Variants in CCNY observed in about 807,000 individuals in gnomAD.
CCNY encodes the protein cyclin-Y.
Under a neutral mutation model 42.8 loss-of-function variants are expected in CCNY, and 19 were observed. The observed-to-expected ratio is 0.44, with a 90% confidence interval of 0.31 to 0.65. CCNY has a LOEUF of 0.65. Ranked by LOEUF, CCNY falls within the 30% of genes least tolerant of loss-of-function variation. The probability of loss-of-function intolerance (pLI) is 0.07; values close to 1 mark genes in which losing one functional copy is unlikely to be tolerated. For synonymous variants in CCNY, 165 were observed against 162.7 expected (o/e 1.01, Z -0.11); for missense variants, 370 against 437.3 (o/e 0.85, Z 1.37).
Position 35,384,282 on chromosome 10 carries a change from A to G in CCNY, c.154+47075A>G, listed in dbSNP as rs553133862. On this transcript the variant is annotated intron_variant, in intron 1 of 9. Coordinates refer to ENST00000374704, the MANE Select transcript of CCNY (RefSeq NM_145012.6). ...CTCCAAAGATGATTTTGAGGGCATT[A>G]GTATTCAAAGGGGAAAAGCAGGCTG... Among the ~76,000 whole-genome samples, 8 of 152,350 alleles carry G rather than the reference A, an allele frequency of 5.3e-5. No homozygotes were observed. In the South Asian group the frequency reaches 1.5e-3, roughly 28 times the overall value.
intron 3 of CCNY, among the ~76,000 whole-genome samples, chr10:35,272,014 G>C (rs1465856074): frequency 6.6e-6 from 1 of 152,060 alleles, no homozygotes; most frequent in Non-Finnish European, 1.5e-5. Context: ...TGTTTTTTTA[G>C]ACAGAGTCTC....
intron 1 of CCNY, among the ~76,000 whole-genome samples, chr10:35,412,237 G>C (rs1268640112): frequency 6.6e-6 from 1 of 152,184 alleles, no homozygotes; most frequent in Non-Finnish European, 1.5e-5. Flanking sequence ...GAGGGAGTGG[G>C]CAGTTGGAAA....
At chr10:35,535,897 A>T (rs1840877091) in intron 7 of CCNY, among the ~76,000 whole-genome samples, 1 of 152,196 alleles carries the variant, frequency 6.6e-6, no homozygotes, top group Non-Finnish European at 1.5e-5. Context: ...AACCTTCCAC[A>T]GATGCTGAGG....
At chr10:35,494,730 A>C (rs1051795389) in intron 2 of CCNY, among the ~76,000 whole-genome samples, 1 of 152,254 alleles carries the variant, frequency 6.6e-6, no homozygotes, top group African/African-American at 2.4e-5. Context: ...CCAATAGAAA[A>C]ATGGGCATAT....
At chr10:35,357,178 C>T (rs1344639589) in intron 1 of CCNY, among the ~76,000 whole-genome samples, 3 of 151,110 alleles carry the variant, frequency 2.0e-5, no homozygotes, top group Admixed American at 6.6e-5. Context: ...CTGCTCCTGC[C>T]CCTGCCCCTG....
chr10:35,546,484 C>T (rs1841118561), intron 7 of CCNY, among the ~76,000 whole-genome samples: 1 of 152,094 alleles, frequency 6.6e-6, no homozygotes, highest in Non-Finnish European at 1.5e-5. Flanking sequence ...TAGCAATGGT[C>T]GTGGGATATT....
chr10:35,264,717 T>C (rs1408237618), intron 3 of CCNY, among the ~76,000 whole-genome samples: 14 of 152,100 alleles, frequency 9.2e-5, no homozygotes, highest in African/African-American at 3.4e-4. Context: ...TGCAGTGGCG[T>C]GATCTCGGGT....
rs1589012026 is a variant in CCNY, at chr10:35,275,176, A to G, written c.-9+24550A>G. On this transcript the variant is annotated intron_variant, in intron 3 of 11. Coordinates refer to the CCNY transcript ENST00000374706. Reference sequence around the variant, plus strand: ...CCTCCTGGGTTCAAGCAATTCTTCTACCTCAGCCTCCCAAATAGCTGGGAT... The same window carrying G: ...CCTCCTGGGTTCAAGCAATTCTTCTGCCTCAGCCTCCCAAATAGCTGGGAT... Among the ~76,000 whole-genome samples, 6 of 138,006 alleles carry G rather than the reference A, an allele frequency of 4.3e-5. No individual in the cohort carries two copies. In the Admixed American group the frequency reaches 5.0e-4, roughly 11 times the overall value. 90.5% of individuals were successfully genotyped at this position (138,006 alleles called of 152,430 possible). A position where few individuals can be genotyped will look rare whatever the true frequency, so the allele number is the denominator to read the frequency against.
Position 35,553,045 on chromosome 10 carries a change from C to T in CCNY, c.606C>T (p.Tyr202=), listed in dbSNP as rs200268976. 3.3e-5 allele frequency: 53 copies of T among 1,614,144 alleles called. No individual in the cohort carries two copies. In the African/African-American group the frequency reaches 4.5e-4, roughly 14 times the overall value. ...TGTACCTTGAAAGACTTTTAACATACGCAGAGATAGATATCTGTCCGGCCA... is the reference window on the plus strand; with the variant it reads ...TGTACCTTGAAAGACTTTTAACATATGCAGAGATAGATATCTGTCCGGCCA... ...TLVYLERLLT[Y]AEIDICPANW... is the part of the protein sequence containing the mutation. The change falls in exon 8 of 10, where the codon TAC becomes TAT. Residue 202 remains tyrosine, a synonymous_variant. Coordinates refer to ENST00000374704, the MANE Select transcript of CCNY (RefSeq NM_145012.6).
intron 3 of CCNY, among the ~76,000 whole-genome samples, chr10:35,294,541 T>C (rs975483410): frequency 2.6e-5 from 4 of 152,254 alleles, no homozygotes; most frequent in African/African-American, 9.6e-5. Flanking sequence ...TCCTTTATTC[T>C]ATTGGTATCA....
chr10:35,360,220 C>A (rs1350112068), intron 1 of CCNY, among the ~76,000 whole-genome samples: 1 of 151,778 alleles, frequency 6.6e-6, no homozygotes, highest in Non-Finnish European at 1.5e-5. Context: ...ATTATATGGG[C>A]CTTATGAGGC....
chr10:35,570,174 A>G lies in CCNY; in HGVS notation c.*1004A>G, dbSNP rs1841659225. ...TATTCTTCTCAATTTTTATATGTTTACTTTAAATCAAAGTTAGTCTATTTG... is the reference window on the plus strand; with the variant it reads ...TATTCTTCTCAATTTTTATATGTTTGCTTTAAATCAAAGTTAGTCTATTTG... On this transcript the variant is annotated 3_prime_UTR_variant, in exon 10 of 10. Transcript: ENST00000374704. The G allele has an allele frequency of 6.5e-6, 1 of 152,686 alleles. No homozygotes were observed. The highest frequency in any genetic ancestry group is 1.9e-4 in the East Asian group (1 of 5,282). The allele number at this position is 152,686 out of a possible 1,614,324, so 9.5% of individuals were successfully genotyped here.
At chr10:35,266,806 G>A (rs974142761) in intron 3 of CCNY, among the ~76,000 whole-genome samples, 5 of 151,926 alleles carry the variant, frequency 3.3e-5, no homozygotes, top group Admixed American at 1.3e-4. Context: ...TACTGTCGCC[G>A]GGTGCGGTGG....
At chr10:35,464,534 C>T (rs1440583154) in intron 1 of CCNY, among the ~76,000 whole-genome samples, 1 of 151,172 alleles carries the variant, frequency 6.6e-6, no homozygotes, top group Non-Finnish European at 1.5e-5. Flanking sequence ...CTTCCCCCTT[C>T]TTATGGTGCG....
At chr10:35,476,251 C>G (rs903887324) in intron 1 of CCNY, among the ~76,000 whole-genome samples, 2 of 152,114 alleles carry the variant, frequency 1.3e-5, no homozygotes, top group Non-Finnish European at 2.9e-5. Flanking sequence ...TAAGGATACC[C>G]AGGAATTGAA....
intron 7 of CCNY, among the ~76,000 whole-genome samples, chr10:35,540,004 C>A (rs1840966583): frequency 6.6e-6 from 1 of 152,166 alleles, no homozygotes; most frequent in African/African-American, 2.4e-5. Context: ...ATGGGAAGAT[C>A]ACCTGCAAAT....
At chr10:35,449,806 C>T (rs746511946) in intron 1 of CCNY, 5 of 985,078 alleles carry the variant, frequency 5.1e-6, no homozygotes, top group Non-Finnish European at 6.0e-6. Context: ...CTCAGCTGAA[C>T]GGACAGTAAG....
chr10:35,436,702 C>T (rs1002356548), intron 1 of CCNY, among the ~76,000 whole-genome samples: 7 of 152,040 alleles, frequency 4.6e-5, no homozygotes, highest in Non-Finnish European at 8.8e-5. Flanking sequence ...GACTTCTGTA[C>T]GTTGGATGAA....
chr10:35,284,180 TG>T (rs1835329092), intron 3 of CCNY, among the ~76,000 whole-genome samples: 1 of 152,166 alleles, frequency 6.6e-6, no homozygotes, highest in African/African-American at 2.4e-5. Flanking sequence ...GTCTGACAAA[TG>T]GATCTTCCTT....
Sources: gnomAD v4.1 joint callset for allele counts (sites outside exome capture counted in the v4.1 genomes callset) on GRCh38, gnomAD v4.1.1 for gene constraint, MANE v1.5 for transcripts, NCBI Gene and HGNC (gene_info 2026-07-23, HGNC 2026-07-21) for gene names.